Variants in TAF12 observed in about 807,000 individuals in gnomAD.
TAF12 encodes the protein TATA-box binding protein associated factor 12.
Under a neutral mutation model 20.8 loss-of-function variants are expected in TAF12, and 3 were observed. The observed-to-expected ratio is 0.14, with a 90% CI of 0.07 to 0.37. The LOEUF (loss-of-function observed/expected upper bound fraction) is 0.37. Among genes scored for constraint, TAF12 ranks in the 10% least tolerant of loss-of-function variants. TAF12 has a pLI of 1.00. For synonymous variants in TAF12, 69 were observed against 70.2 expected, an observed-to-expected ratio of 0.98 and a Z score of 0.09; for missense variants, 131 against 197.9, an observed-to-expected ratio of 0.66 and a Z score of 2.03.
chr1:28,648,243 T>C (rs1356541500), exon 1 of TAF12: 1 of 985,262 alleles, frequency 1.0e-6, no homozygotes, highest in Non-Finnish European at 1.2e-6. Context: ...ATGAGACGCC[T>C]TCTGTCGTGA....
At chr1:28,631,519 C>A (rs1336376792) in intron 1 of TAF12, among the ~76,000 whole-genome samples, 2 of 150,196 alleles carry the variant, frequency 1.3e-5, no homozygotes, top group East Asian at 4.0e-4. Flanking sequence ...AACAAGACTC[C>A]TTCTCTCCAA....
At chr1:28,627,090 A>C (rs1465341679) in intron 1 of TAF12, among the ~76,000 whole-genome samples, 2 of 152,070 alleles carry the variant, frequency 1.3e-5, no homozygotes, top group African/African-American at 4.8e-5. Context: ...CAGTCACTTT[A>C]ATGAAATAAG....
At chr1:28,613,441 G>T in intron 3 of TAF12, 80 bp from the exon 4 acceptor site, 2 of 1,200,614 alleles carry the variant, frequency 1.7e-6, no homozygotes, top group Non-Finnish European at 2.4e-6. Flanking sequence ...CTTTCAGCTT[G>T]GATTGCATAT....
chr1:28,638,546 C>T (rs532772490), intron 1 of TAF12, among the ~76,000 whole-genome samples: 1 of 147,268 alleles, frequency 6.8e-6, no homozygotes, highest in South Asian at 2.1e-4. Flanking sequence ...GCTGGAGTGG[C>T]GCAATATCGG....
chr1:28,609,979 A>T (rs1227607445), intron 4 of TAF12, among the ~76,000 whole-genome samples: 5 of 147,220 alleles, frequency 3.4e-5, no homozygotes, highest in Non-Finnish European at 6.0e-5. Flanking sequence ...GTGGGGGATT[A>T]TTTTTTTTTT....
upstream of TAF12, among the ~76,000 whole-genome samples, chr1:28,644,992 G>T (rs1428958680): frequency 6.6e-6 from 1 of 151,844 alleles, no homozygotes. Context: ...AAACTCCTGT[G>T]TTCAAGCGAT....
upstream of TAF12, among the ~76,000 whole-genome samples, chr1:28,645,099 T>A (rs926862706): frequency 6.6e-6 from 1 of 151,666 alleles, no homozygotes; most frequent in Non-Finnish European, 1.5e-5. Context: ...GCAGTGGAGC[T>A]ATCTCGGCTC....
At chr1:28,644,540 A>C (rs576769794), upstream of TAF12, among the ~76,000 whole-genome samples, 14 of 152,236 alleles carry the variant, frequency 9.2e-5, no homozygotes, top group African/African-American at 1.9e-4. Flanking sequence ...GCCTTTTGCT[A>C]TGTGCTGAGT....
intron 1 of TAF12, among the ~76,000 whole-genome samples, chr1:28,629,741 A>G (rs557206817): frequency 1.1e-4 from 17 of 152,038 alleles, no homozygotes; most frequent in East Asian, 3.9e-4. Flanking sequence ...CCTAGGCTCA[A>G]GCAATAATCT....
upstream of TAF12, chr1:28,643,173 T>C: frequency 1.1e-6 from 1 of 934,420 alleles, no homozygotes; most frequent in Non-Finnish European, 1.3e-6. Context: ...AGGCGCAGAC[T>C]GCCCTCCGAC....
Position 28,622,006 on chromosome 1 carries a change from G to C in TAF12, c.76C>G (p.Pro26Ala). Residue 26 changes from proline (P) to alanine (A), a missense_variant, in exon 2 of 6, where the codon CCT (proline) becomes GCT (alanine). Physicochemically the swap from Pro to Ala is conservative, Grantham distance 27. Coordinates refer to ENST00000373824, the MANE Select transcript of TAF12 (RefSeq NM_005644.4). ...CTATTGGCCATGGAGCCTTGTGGAG[G>C]GGTGCTGGCTGGTTCCGGTTTTATG... is the stretch of plus-strand genomic sequence containing the variant. ...SSIKPEPAST[P>A]PQGSMANSTA... The C allele has an allele frequency of 6.2e-7, 1 of 1,614,048 alleles. No individual in the cohort carries two copies. The highest frequency in any genetic ancestry group is 1.3e-5 in the African/African-American group (1 of 75,008).
At chr1:28,647,129 T>C (rs1038572935), upstream of TAF12, among the ~76,000 whole-genome samples, 1 of 152,048 alleles carries the variant, frequency 6.6e-6, no homozygotes, top group Non-Finnish European at 1.5e-5. Context: ...CCACCATGCC[T>C]GGCCTGAAAA....
At chr1:28,634,415 CAAAAAAAA>C (rs1159192480) in intron 1 of TAF12, among the ~76,000 whole-genome samples, 4 of 41,554 alleles carry the variant, frequency 9.6e-5, no homozygotes, top group Admixed American at 7.9e-4. Flanking sequence ...GACTCCATCT[CAAAAAAAA>C]AAAAAAAAAA....
At chr1:28,629,292 T>A (rs573935290) in intron 1 of TAF12, among the ~76,000 whole-genome samples, 1 of 152,222 alleles carries the variant, frequency 6.6e-6, no homozygotes, top group South Asian at 2.1e-4. Flanking sequence ...AAACTACTAT[T>A]TGAATTTTTT....
At position 28,605,382 on chromosome 1, in the gene TAF12, G is replaced by A; in HGVS notation, c.440C>T (p.Ala147Val). The A allele has an allele frequency of 1.2e-6, 2 of 1,614,134 alleles. No homozygotes were observed. The highest frequency in any genetic ancestry group is 1.1e-5 in the South Asian group (1 of 91,088). ...RPYKKACTTE[A>V]HKQRMALIRK... ...CTGGCATTTCCTCACCTGTTTGTGA[G>A]CTTCTGTGGTGCAAGCTTTTTTGTA... Residue 147 changes from alanine to valine, a missense_variant, in exon 5 of 6, where the codon GCT becomes GTT. Physicochemically the swap from Ala to Val is moderately conservative, Grantham distance 64. This residue lies in a region of TAF12 where 60 missense variants were observed against 90.2 expected (regional missense o/e 0.66). Transcript: ENST00000373824.
At chr1:28,645,339 CT>C (rs1171697773), upstream of TAF12, among the ~76,000 whole-genome samples, 1,210 of 137,638 alleles carry the variant, frequency 8.8e-3, 17 homozygotes, top group African/African-American at 0.027. Flanking sequence ...CCGGCCTCTT[CT>C]TTTTTTTTTT....
chr1:28,634,451 G>C (rs1056024802), intron 1 of TAF12, among the ~76,000 whole-genome samples: 31 of 148,568 alleles, frequency 2.1e-4, no homozygotes, highest in African/African-American at 7.6e-4. Flanking sequence ...ACAAAAAACA[G>C]GCATTAACTG....
At chr1:28,634,436 A>AC (rs1262574539) in intron 1 of TAF12, among the ~76,000 whole-genome samples, 6 of 149,942 alleles carry the variant, frequency 4.0e-5, no homozygotes, top group Admixed American at 2.0e-4. Context: ...AAAAAAAAAA[A>AC]CCCCACAAAA....
intron 2 of TAF12, among the ~76,000 whole-genome samples, chr1:28,621,573 AGATG>A (rs913327110): frequency 6.6e-6 from 1 of 152,206 alleles, no homozygotes. Flanking sequence ...TAGTGTGTAC[AGATG>A]GATGGATGGA....
Sources: allele counts gnomAD v4.1 joint callset (sites outside exome capture counted in the v4.1 genomes callset), GRCh38; gene constraint gnomAD v4.1.1; regional missense constraint gnomAD v4.1.1; transcripts MANE v1.5; gene names NCBI Gene and HGNC (gene_info 2026-07-23, HGNC 2026-07-21).